Variants in STAC2 observed in about 807,000 individuals in gnomAD.
STAC2 encodes the protein SH3 and cysteine rich domain 2, also known as SH3 and cysteine-rich domain-containing protein 2.
In STAC2, 36 loss-of-function variants were observed where a neutral mutation model predicts 49.0. That is an observed-to-expected ratio of 0.74 (90% confidence interval 0.56 to 0.97). STAC2 has a LOEUF of 0.97. STAC2 is among the 50% of genes least tolerant of loss of function. The pLI is 0.00. For synonymous variants in STAC2, 239 were observed against 214.7 expected, an observed-to-expected ratio of 1.11 and a Z score of -0.99; for missense variants, 527 against 543.8, an observed-to-expected ratio of 0.97 and a Z score of 0.31.
rs1406912614 is a variant in STAC2 at position 39,218,106 on chromosome 17, A to G, written c.158T>C (p.Phe53Ser). The change falls in exon 2 of 11, where the codon TTC becomes TCC. Residue 53 changes from phenylalanine (F) to serine (S), a missense_variant. Coordinates refer to ENST00000333461, the MANE Select transcript of STAC2 (RefSeq NM_198993.5). ...ILRSKSLENF[F>S]LRSGSELKCP... ...CTTGAGCTCAGAGCCCGAGCGAAGG[A>G]AGAAGTTCTCCAAGCTCTTACTTCG... The G allele has an allele frequency of 3.1e-6, 5 of 1,613,158 alleles. No homozygotes were observed. Among genetic ancestry groups the G allele is most frequent in the Admixed American group, 3.3e-5 (2 of 60,000 alleles).
Position 39,212,382 on chromosome 17 carries a change from C to T in STAC2, c.1146G>A (p.Val382=). 6.2e-7 allele frequency: 1 copy of T among 1,608,224 alleles called. No individual in the cohort carries two copies. Among genetic ancestry groups the T allele is most frequent in the Non-Finnish European group, 8.5e-7 (1 of 1,176,886 alleles). ...SLKENQICVG[V]GRSKDADGFI... ...AGCCGTCAGCATCCTTGCTTCTGCC[C>T]ACGCCCACGCAGATCTGAGCCAGAG... Residue 382 remains valine, a synonymous_variant, in exon 11 of 11, where the codon GTG becomes GTA. Transcript: ENST00000333461.
Position 39,217,911 on chromosome 17 carries a change from A to C in STAC2, c.353T>G (p.Phe118Cys). ...CAGCTCACAAGGGCTAGCTCGCTTG[A>C]AGACATGTTCCTGGAAGCTGTGCAG... ...VRLHSFQEHV[F>C]KRASPCELCH... Residue 118 changes from phenylalanine to cysteine, a missense_variant, in exon 2 of 11, where the codon TTC becomes TGC. Coordinates refer to ENST00000333461, the MANE Select transcript of STAC2 (RefSeq NM_198993.5). The C allele has an allele frequency of 1.9e-6, 3 of 1,607,312 alleles. No individual in the cohort carries two copies. The highest frequency in any genetic ancestry group is 1.1e-5 in the South Asian group (1 of 89,888).
chr17:39,212,161 G>A lies in STAC2; in HGVS notation c.*131C>T, dbSNP rs16545. ...CCAGTACAAAAGGCTCCTAAGCCAC[G>A]GTAAGTGGCACCTAGGAGAGGGACA... On this transcript the variant is annotated 3_prime_UTR_variant, in exon 11 of 11. Transcript: ENST00000333461. The A allele has an allele frequency of 0.079, 39,154 of 493,984 alleles. 1,401 individuals are homozygous for A. Among genetic ancestry groups the A allele is most frequent in the Middle Eastern group, 0.1 (312 of 3,118 alleles). 30.6% of individuals were successfully genotyped at this position (493,984 alleles called of 1,614,324 possible).
At chr17:39,216,789 G>A in intron 4 of STAC2, 21 bp downstream of exon 4, 1 of 1,566,638 alleles carries the variant, frequency 6.4e-7, no homozygotes, top group Non-Finnish European at 8.7e-7. Flanking sequence ...AGCAGGGACT[G>A]CGGCCAGGGG....
At chr17:39,222,838 C>A (rs999245022) in intron 1 of STAC2, among the ~76,000 whole-genome samples, 1 of 152,150 alleles carries the variant, frequency 6.6e-6, no homozygotes, top group Non-Finnish European at 1.5e-5. Context: ...CCTGGACGGC[C>A]CCTTATTTCC....
chr17:39,212,175 A>G lies in STAC2; in HGVS notation c.*117T>C. 1.5e-6 allele frequency: 1 copy of G among 675,662 alleles called. No homozygotes were observed. Among genetic ancestry groups the G allele is most frequent in the East Asian group, 3.1e-5 (1 of 32,194 alleles). The allele number at this position is 675,662 out of a possible 1,614,324, so 41.9% of individuals were successfully genotyped here. A position where few individuals can be genotyped will look rare whatever the true frequency, so the allele number is the denominator to read the frequency against. Reference sequence around the variant, plus strand: ...TCCTAAGCCACGGTAAGTGGCACCTAGGAGAGGGACAGAGGGAGGAAGGGT... The same window carrying G: ...TCCTAAGCCACGGTAAGTGGCACCTGGGAGAGGGACAGAGGGAGGAAGGGT... On this transcript the variant is annotated 3_prime_UTR_variant, in exon 11 of 11. Coordinates refer to ENST00000333461, the MANE Select transcript of STAC2 (RefSeq NM_198993.5).
intron 1 of STAC2, among the ~76,000 whole-genome samples, chr17:39,220,368 G>A (rs191932706): frequency 3.4e-3 from 524 of 152,296 alleles, no homozygotes; most frequent in African/African-American, 0.011. Context: ...CAGGGTCGCC[G>A]GAGGATGTGC....
At chr17:39,215,722 G>C (rs1051124113) in intron 4 of STAC2, among the ~76,000 whole-genome samples, 2 of 151,148 alleles carry the variant, frequency 1.3e-5, no homozygotes, top group Non-Finnish European at 2.9e-5. Context: ...TTTTTTTTTC[G>C]AGACGGAGTC....
chr17:39,217,878 T>C lies in STAC2; in HGVS notation c.386A>G (p.Gln129Arg). 6.2e-7 allele frequency: 1 copy of C among 1,604,112 alleles called. No homozygotes were observed. The highest frequency in any genetic ancestry group is 8.5e-7 in the Non-Finnish European group (1 of 1,176,112). The change falls in exon 2 of 11, where the codon CAG becomes CGG. Residue 129 changes from glutamine to arginine, a missense_variant. By Grantham distance (43) the Gln-to-Arg change is conservative (BLOSUM62 1). Coordinates refer to ENST00000333461, the MANE Select transcript of STAC2 (RefSeq NM_198993.5). ...GCCCAGGCACCTACCTACGATGAGC[T>C]GGTGGCACAGCTCACAAGGGCTAGC... ...KRASPCELCH[Q>R]LIVGNSKQGL... is the part of the protein sequence containing the mutation.
Position 39,212,065 on chromosome 17 carries a change from C to A in STAC2, c.*227G>T, listed in dbSNP as rs72823355. 3.0e-5 allele frequency: 6 copies of A among 198,238 alleles called. No individual in the cohort carries two copies. The highest frequency in any genetic ancestry group is 5.3e-5 in the Non-Finnish European group (5 of 93,566). 12.3% of individuals were successfully genotyped at this position (198,238 alleles called of 1,614,324 possible). A position where few individuals can be genotyped will look rare whatever the true frequency, so the allele number is the denominator to read the frequency against. On this transcript the variant is annotated 3_prime_UTR_variant, in exon 11 of 11. Transcript: ENST00000333461. ...TGTAGCTTCCTCATTCCCTCCCACC[C>A]CACCCCATCCCCGCCAAGTCCCAGA...
rs553878202 is a variant in STAC2, at chr17:39,212,922, C to T, written c.1131+73G>A. The stretch of plus-strand genomic sequence containing the variant: ...CCTCCTCCTGCAGAGCATTTACCCC[C>T]GCACCGCAGCCTGTCTCCCCCGCCC... On this transcript the variant is annotated intron_variant, in intron 10 of 10. Coordinates refer to ENST00000333461, the MANE Select transcript of STAC2 (RefSeq NM_198993.5). The T allele has an allele frequency of 2.5e-5, 39 of 1,580,930 alleles. No individual in the cohort carries two copies. In the Admixed American group the frequency reaches 3.9e-4, roughly 16 times the overall value.
rs773692474 is a variant in STAC2 at position 39,215,016 on chromosome 17, C to T, written c.707G>A (p.Arg236Gln). Residue 236 changes from arginine to glutamine, a missense_variant, in exon 6 of 11, where the codon CGG becomes CAG. By Grantham distance (43) the Arg-to-Gln change is conservative. Coordinates refer to ENST00000333461, the MANE Select transcript of STAC2 (RefSeq NM_198993.5). ...TTCCCCATCCTCGGTCAGCTCATCC[C>T]GCTCACTCTAGGGACAGAGAGAGGA... ...SESPTRSLSE[R>Q]DELTEDGEGS... 3.9e-5 allele frequency: 63 copies of T among 1,613,966 alleles called. 1 individual carries two copies. The South Asian group carries it at 4.1e-4, about 10-fold the overall frequency.
rs1567827157 is a variant in STAC2, at chr17:39,213,041, A to G, written c.1085T>C (p.Phe362Ser). Residue 362 changes from phenylalanine (F) to serine (S), a missense_variant, in exon 10 of 11, where the codon TTC (phenylalanine) becomes TCC (serine). Physicochemically the swap from Phe to Ser is radical, Grantham distance 155 (BLOSUM62 -2). Transcript: ENST00000333461. Reference sequence around the variant, plus strand: ...GTAACCCTGTTCCTTGTTCCCGGAGAAGGGTTGGCAGCAGCGCCAAACATT... The same window carrying G: ...GTAACCCTGTTCCTTGTTCCCGGAGGAGGGTTGGCAGCAGCGCCAAACATT... ...GENVWRCCQP[F>S]SGNKEQGYMS... The G allele has an allele frequency of 1.2e-6, 2 of 1,613,882 alleles. No individual in the cohort carries two copies. The highest frequency in any genetic ancestry group is 1.7e-6 in the Non-Finnish European group (2 of 1,180,020).
rs750235279 is a variant in STAC2 at position 39,212,981 on chromosome 17, C to T, written c.1131+14G>A. 1.9e-6 allele frequency: 3 copies of T among 1,613,342 alleles called. No homozygotes were observed. The highest frequency in any genetic ancestry group is 2.5e-6 in the Non-Finnish European group (3 of 1,179,860). ...CCTCCGCCATAGGGCCTGGGCTGGG[C>T]CTCAGGCACTCACCTGGTTCTCCTT... On this transcript the variant is annotated intron_variant, in intron 10 of 10. Coordinates refer to ENST00000333461, the MANE Select transcript of STAC2 (RefSeq NM_198993.5).
At chr17:39,212,759 G>A (rs1027757028) in intron 10 of STAC2, among the ~76,000 whole-genome samples, 2 of 152,192 alleles carry the variant, frequency 1.3e-5, no homozygotes, top group Middle Eastern at 3.2e-3. Flanking sequence ...GTGCTCCTGC[G>A]CTAACCCAAG....
At chr17:39,218,843 A>G (rs1484677496) in intron 1 of STAC2, among the ~76,000 whole-genome samples, 1 of 152,046 alleles carries the variant, frequency 6.6e-6, no homozygotes. Flanking sequence ...TGAGCCAAGC[A>G]GTTGGAGACC....
chr17:39,216,886 G>A lies in STAC2; in HGVS notation c.510C>T (p.Arg170=). 6.2e-7 allele frequency: 1 copy of A among 1,602,178 alleles called. No homozygotes were observed. The highest frequency in any genetic ancestry group is 8.5e-7 in the Non-Finnish European group (1 of 1,174,390). ...QCPGKTSTSF[R]RNFSSPLLVH... ...CCAGGAGAGGGGAACTGAAGTTGCG[G>A]CGGAAGGAGGTGGACTATGGCAAGA... The change falls in exon 4 of 11, where the codon CGC becomes CGT. Residue 170 remains arginine, a synonymous_variant. Transcript: ENST00000333461.
chr17:39,223,523 T>C (rs935131877), intron 1 of STAC2, among the ~76,000 whole-genome samples: 3 of 151,896 alleles, frequency 2.0e-5, no homozygotes, highest in African/African-American at 7.3e-5. Context: ...GACCCAGAGG[T>C]GACAACATTG....
Position 39,225,451 on chromosome 17 carries a change from TG to T in STAC2, c.51del (p.His17GlnfsTer52). The T allele has an allele frequency of 1.2e-6, 2 of 1,609,324 alleles. No homozygotes were observed. The highest frequency in any genetic ancestry group is 1.7e-6 in the Non-Finnish European group (2 of 1,178,540). On this transcript the variant is annotated frameshift_variant, in exon 1 of 11. Transcript: ENST00000333461. LOFTEE classifies it high-confidence loss of function. This position sits in a 1 kb window ranked among gnomAD's most constrained non-coding sequence, Gnocchi z 8.2. ...KENEPDDAAT[H>X]SPPGTVSALQ... ...AGGGCGGAGACGGTCCCTGGGGGGCTGTGGGTGGCCGCGTCATCCGGTTCGT... is the reference window on the plus strand; with the variant it reads ...AGGGCGGAGACGGTCCCTGGGGGGCTTGGGTGGCCGCGTCATCCGGTTCGT...
Sources: gnomAD v4.1 joint callset for allele counts (sites outside exome capture counted in the v4.1 genomes callset) on GRCh38, gnomAD v4.1.1 for gene constraint, Gnocchi (gnomAD v3.1) non-coding constraint, MANE v1.5 for transcripts, NCBI Gene and HGNC (gene_info 2026-07-23, HGNC 2026-07-21) for gene names.